Variants in PRDM16 observed in about 807,000 individuals in gnomAD.
PRDM16 encodes the protein histone-lysine N-methyltransferase PRDM16.
Under a neutral mutation model 110.6 loss-of-function variants are expected in PRDM16, and 23 were observed. The observed-to-expected ratio is 0.21, with a 90% CI of 0.15 to 0.29. PRDM16 has a LOEUF of 0.29. Among genes scored for constraint, PRDM16 ranks in the 10% least tolerant of loss-of-function variants. PRDM16 has a pLI of 1.00. For missense variants in PRDM16, 1,615 were observed against 1,794.3 expected, an observed-to-expected ratio of 0.90 and a Z score of 1.81; for synonymous variants, 799 against 781.8, an observed-to-expected ratio of 1.02 and a Z score of -0.37.
At chr1:3,091,043 A>G (rs1028576850) in intron 1 of PRDM16, among the ~76,000 whole-genome samples, 1 of 151,978 alleles carries the variant, frequency 6.6e-6, no homozygotes, top group Non-Finnish European at 1.5e-5. Flanking sequence ...TCAGCCGCAA[A>G]CTCTCCCTAA....
intron 1 of PRDM16, among the ~76,000 whole-genome samples, chr1:3,109,234 G>A (rs959388993): frequency 3.3e-5 from 5 of 152,192 alleles, no homozygotes; most frequent in Non-Finnish European, 7.3e-5. Context: ...GGCTAAGTGT[G>A]CTGATCCGGT....
chr1:3,403,651 C>T (rs553680966), intron 6 of PRDM16, among the ~76,000 whole-genome samples: 2 of 152,318 alleles, frequency 1.3e-5, no homozygotes, highest in African/African-American at 2.4e-5. Flanking sequence ...GGGGCCTGGG[C>T]GGCCTTGGGG....
chr1:3,334,843 G>A (rs979233155), intron 3 of PRDM16, among the ~76,000 whole-genome samples: 2 of 152,228 alleles, frequency 1.3e-5, no homozygotes, highest in African/African-American at 4.8e-5. Context: ...TGCACTGCAG[G>A]CATTTTTAAT....
intron 1 of PRDM16, among the ~76,000 whole-genome samples, chr1:3,125,630 C>T (rs748535313): frequency 6.6e-6 from 1 of 152,226 alleles, no homozygotes; most frequent in East Asian, 1.9e-4. Context: ...GACCGGGCTC[C>T]GCTTTTAATT....
intron 2 of PRDM16, among the ~76,000 whole-genome samples, chr1:3,198,773 G>A (rs981678379): frequency 2.0e-5 from 3 of 152,196 alleles, no homozygotes; most frequent in African/African-American, 7.2e-5. Flanking sequence ...GGCTTTCGGC[G>A]GAGTCGGCAG....
chr1:3,189,591 TTACTG>T (rs762485468), intron 2 of PRDM16, among the ~76,000 whole-genome samples: 1 of 152,258 alleles, frequency 6.6e-6, no homozygotes, highest in Non-Finnish European at 1.5e-5. Flanking sequence ...TGATTTGACT[TTACTG>T]TAATGTCCAC....
At chr1:3,357,118 G>A (rs555932930) in intron 3 of PRDM16, among the ~76,000 whole-genome samples, 2 of 152,078 alleles carry the variant, frequency 1.3e-5, no homozygotes, top group Non-Finnish European at 2.9e-5. Context: ...CAGCCCCAAG[G>A]AAGGCTGCAT....
At chr1:3,104,019 CACAA>C (rs1322514464) in intron 1 of PRDM16, among the ~76,000 whole-genome samples, 1 of 152,236 alleles carries the variant, frequency 6.6e-6, no homozygotes, top group Non-Finnish European at 1.5e-5. Context: ...GGGCAAAATT[CACAA>C]ACAAATTGCC....
intron 1 of PRDM16, among the ~76,000 whole-genome samples, chr1:3,086,461 C>T (rs947510119): frequency 2.0e-5 from 3 of 152,158 alleles, no homozygotes; most frequent in Admixed American, 6.5e-5. Flanking sequence ...GGAAAACGCC[C>T]GAGGTGTCGG....
At chr1:3,169,483 C>G (rs1644000282) in intron 1 of PRDM16, among the ~76,000 whole-genome samples, 1 of 152,172 alleles carries the variant, frequency 6.6e-6, no homozygotes, top group Non-Finnish European at 1.5e-5. Flanking sequence ...CCCCACCCCT[C>G]TCCCGTGCAC....
chr1:3,136,896 C>G (rs1306886771), intron 1 of PRDM16, among the ~76,000 whole-genome samples: 1 of 152,204 alleles, frequency 6.6e-6, no homozygotes, highest in Non-Finnish European at 1.5e-5. Context: ...GGCCAAGATG[C>G]CAGCTGGAAC....
chr1:3,404,630 C>T lies in PRDM16; in HGVS notation c.885-109C>T, dbSNP rs2483220. 5.7e-3 allele frequency: 7,546 copies of T among 1,335,074 alleles called. 303 individuals carry two copies. The African/African-American group carries it at 0.091, about 16-fold the overall frequency. 82.7% of individuals were successfully genotyped at this position (1,335,074 alleles called of 1,614,324 possible). ...AGCATGTGCTCTGATCCCTCGGCAG[C>T]GTGGTGGGGGCTCCGAAGGGGCACT... On this transcript the variant is annotated intron_variant, in intron 6 of 16. Transcript: ENST00000270722.
chr1:3,168,959 G>A (rs896608936), intron 1 of PRDM16, among the ~76,000 whole-genome samples: 20 of 152,296 alleles, frequency 1.3e-4, no homozygotes, highest in African/African-American at 4.8e-4. Flanking sequence ...CACGCCCAGG[G>A]TGCAGGTTCA....
rs374845861 is a variant in PRDM16 at position 3,425,565 on chromosome 1, C to T, written c.2940-16C>T. 5.3e-5 allele frequency: 85 copies of T among 1,612,546 alleles called. No homozygotes were observed. Among genetic ancestry groups the T allele is most frequent in the Middle Eastern group, 1.6e-4 (1 of 6,076 alleles). On this transcript the variant is annotated splice_polypyrimidine_tract_variant and intron_variant, in intron 12 of 16. Transcript: ENST00000270722. The surrounding 1 kb of genome is among the most constrained non-coding windows in gnomAD (Gnocchi z 6.9). ...GAGCCGGGGCCTGCACTGAGGAGCGCGTGTGCCCCTTCCAGGTGTAAGTAC... is the reference window on the plus strand; with the variant it reads ...GAGCCGGGGCCTGCACTGAGGAGCGTGTGTGCCCCTTCCAGGTGTAAGTAC...
rs1557507842 is a variant in PRDM16 at position 3,181,074 on chromosome 1, GGTCTTACACACGGCCTTACACACGCA to G, written c.38-5041_38-5016del. Among the ~76,000 whole-genome samples the G allele has an allele frequency of 5.3e-4, 24 of 45,294 alleles. 1 individual carries two copies. Among genetic ancestry groups the G allele is most frequent in the South Asian group, 3.4e-3 (5 of 1,490 alleles). The allele number at this position is 45,294 out of a possible 152,430, so 29.7% of individuals were successfully genotyped here. ...GTCTTACACGCGGTCTTACACACCC[GGTCTTACACACGGCCTTACACACGCA>G]GTCTTACACGCGGCCTTACACACGC... On this transcript the variant is annotated intron_variant, in intron 1 of 16. Coordinates refer to ENST00000270722, the MANE Select transcript of PRDM16 (RefSeq NM_022114.4).
chr1:3,394,380 C>A, intron 4 of PRDM16: 2 of 441,388 alleles, frequency 4.5e-6, no homozygotes, highest in South Asian at 3.2e-5. Flanking sequence ...AGCCCCCGTC[C>A]GCCCACCCAG....
At chr1:3,180,263 A>T (rs769673145) in intron 1 of PRDM16, among the ~76,000 whole-genome samples, 10 of 151,918 alleles carry the variant, frequency 6.6e-5, no homozygotes, top group Admixed American at 2.0e-4. Context: ...GGCAGGAATC[A>T]TGAAGTATGT....
At position 3,370,243 on chromosome 1, in the gene PRDM16, C is replaced by G. The variant is rs149608978; in HGVS notation, c.439-14909C>G. ...GGGAAAATTGCAACCATAACACTTT[C>G]CAGAGGACAATGATCTGGAAAATGT... On this transcript the variant is annotated intron_variant, in intron 3 of 16. Coordinates refer to ENST00000270722, the MANE Select transcript of PRDM16 (RefSeq NM_022114.4). The surrounding 1 kb of genome is among the most constrained non-coding windows in gnomAD (Gnocchi z 4.8). Among the ~76,000 whole-genome samples, 1 of 152,242 alleles carries G rather than the reference C, an allele frequency of 6.6e-6. No homozygotes were observed. The highest frequency in any genetic ancestry group is 1.5e-5 in the Non-Finnish European group (1 of 68,032).
At chr1:3,147,031 CG>C (rs1643683092) in intron 1 of PRDM16, among the ~76,000 whole-genome samples, 2 of 80,278 alleles carry the variant, frequency 2.5e-5, no homozygotes, top group South Asian at 9.6e-4. Flanking sequence ...CGTGTGTGCT[CG>C]GTGTGGGGTG....
Sources: gnomAD v4.1 joint callset for allele counts (sites outside exome capture counted in the v4.1 genomes callset) on GRCh38, gnomAD v4.1.1 for gene constraint, Gnocchi (gnomAD v3.1) non-coding constraint, MANE v1.5 for transcripts, NCBI Gene and HGNC (gene_info 2026-07-23, HGNC 2026-07-21) for gene names.